CAST: variants seen among roughly 807,000 people sequenced by gnomAD.
CAST encodes the protein MIR583 host.
A neutral mutation model predicts 119.6 loss-of-function variants in CAST; 76 were observed. The observed-to-expected ratio is 0.64, with a 90% CI of 0.53 to 0.77. The LOEUF is 0.77. Ranked by LOEUF, CAST falls within the 30% of genes least tolerant of loss-of-function variation. The probability of loss-of-function intolerance (pLI) is 0.00; values close to 1 mark genes in which losing one functional copy is unlikely to be tolerated. For synonymous variants in CAST, 319 were observed against 331.6 expected, an observed-to-expected ratio of 0.96 and a Z score of 0.41; for missense variants, 953 against 946.5, an observed-to-expected ratio of 1.01 and a Z score of -0.09.
At chr5:96,303,159 G>A in the CAST span, among the ~76,000 whole-genome samples, 18 of 152,182 alleles carry the variant, frequency 1.2e-4, no homozygotes, top group Non-Finnish European at 2.5e-4. Flanking sequence ...GGCTGGAGCA[G>A]GAGGAAGAGA....
chr5:96,561,807 T>TTTTTTTTTTG, intron 1 of CAST, among the ~76,000 whole-genome samples: 1 of 121,436 alleles, frequency 8.2e-6, no homozygotes, highest in African/African-American at 3.1e-5. Context: ...TTTTTTTTTT[T>TTTTTTTTTTG]TTTGAGACGG....
At chr5:96,219,875 C>T in the CAST span, among the ~76,000 whole-genome samples, 6 of 152,140 alleles carry the variant, frequency 3.9e-5, no homozygotes, top group East Asian at 3.9e-4. Flanking sequence ...AATTCCTTCT[C>T]ATTGTCTCCA....
At chr5:96,225,376 G>A in the CAST span, among the ~76,000 whole-genome samples, 1 of 151,960 alleles carries the variant, frequency 6.6e-6, no homozygotes, top group Non-Finnish European at 1.5e-5. Context: ...TTGTGTTCAA[G>A]ACGGTGTGTA....
At chr5:96,490,124 T>C in the CAST span, among the ~76,000 whole-genome samples, 1 of 152,200 alleles carries the variant, frequency 6.6e-6, no homozygotes, top group Non-Finnish European at 1.5e-5. Context: ...TCAACAATTG[T>C]CAACACTCCC....
At chr5:95,981,882 G>GA in the CAST span, among the ~76,000 whole-genome samples, 17 of 150,866 alleles carry the variant, frequency 1.1e-4, no homozygotes, top group African/African-American at 3.9e-4. Context: ...TGAAAGAAAA[G>GA]AAAAAAAAGC....
At chr5:96,670,894 TG>T (rs1477209276) in intron 1 of CAST, among the ~76,000 whole-genome samples, 2 of 152,240 alleles carry the variant, frequency 1.3e-5, no homozygotes, top group African/African-American at 4.8e-5. Flanking sequence ...TGCCCAAATG[TG>T]GCAGAGTTGA....
chr5:96,116,658 G>A, the CAST span, among the ~76,000 whole-genome samples: 1 of 152,138 alleles, frequency 6.6e-6, no homozygotes, highest in East Asian at 1.9e-4. Context: ...ACATTTTCTT[G>A]ATGAGTAATG....
the CAST span, among the ~76,000 whole-genome samples, chr5:96,453,319 G>A: frequency 2.0e-5 from 3 of 152,204 alleles, no homozygotes; most frequent in African/African-American, 7.2e-5. Flanking sequence ...TTTAAGGAAA[G>A]TGTATAAGCA....
the CAST span, among the ~76,000 whole-genome samples, chr5:96,246,406 C>T: frequency 6.6e-6 from 1 of 151,972 alleles, no homozygotes; most frequent in East Asian, 1.9e-4. Flanking sequence ...AGGATGGTCT[C>T]GATTTCCTGA....
the CAST span, among the ~76,000 whole-genome samples, chr5:96,001,635 A>G: frequency 6.6e-6 from 1 of 152,232 alleles, no homozygotes; most frequent in Non-Finnish European, 1.5e-5. Flanking sequence ...AATCATAATG[A>G]GTATTTCTCA....
At chr5:96,241,783 G>A in the CAST span, among the ~76,000 whole-genome samples, 6 of 151,246 alleles carry the variant, frequency 4.0e-5, no homozygotes, top group East Asian at 1.9e-4. Context: ...GTATGTCATT[G>A]TGGTTTTGAT....
Position 96,740,848 on chromosome 5 carries a change from G to A in CAST, c.918+65G>A, listed in dbSNP as rs192292417. The stretch of plus-strand genomic sequence containing the variant: ...TTTATATTTTTGGCTGGGGGAACAG[G>A]GCTATCAATTCTATATTTGAGGATT... On this transcript the variant is annotated intron_variant, in intron 13 of 31. Coordinates refer to ENST00000675179, the MANE Select transcript of CAST (RefSeq NM_001750.7). 44 of 997,232 alleles carry A rather than the reference G, an allele frequency of 4.4e-5. No individual in the cohort carries two copies. The Middle Eastern group carries it at 6.3e-4, about 14-fold the overall frequency. 61.8% of individuals were successfully genotyped at this position (997,232 alleles called of 1,614,324 possible).
the CAST span, among the ~76,000 whole-genome samples, chr5:96,460,215 A>G: frequency 1.3e-5 from 2 of 152,152 alleles, no homozygotes; most frequent in African/African-American, 4.8e-5. Flanking sequence ...TTCATGACAT[A>G]ACCCAGAAAA....
the CAST span, among the ~76,000 whole-genome samples, chr5:96,181,601 C>A: frequency 6.6e-6 from 1 of 152,200 alleles, no homozygotes; most frequent in Non-Finnish European, 1.5e-5. Flanking sequence ...AATGGAGCAT[C>A]ACAGTAACTC....
At chr5:96,582,879 A>G (rs934313057) in intron 1 of CAST, among the ~76,000 whole-genome samples, 5 of 152,210 alleles carry the variant, frequency 3.3e-5, no homozygotes, top group Admixed American at 6.5e-5. Context: ...AAGAATGTGA[A>G]TGTCAATGCA....
chr5:96,498,651 T>A, the CAST span, among the ~76,000 whole-genome samples: 1 of 152,230 alleles, frequency 6.6e-6, no homozygotes, highest in African/African-American at 2.4e-5. Flanking sequence ...ATAATACAAT[T>A]GTACCATTTT....
At chr5:96,565,193 C>T (rs1429021164) in intron 1 of CAST, among the ~76,000 whole-genome samples, 1 of 151,208 alleles carries the variant, frequency 6.6e-6, no homozygotes, top group Non-Finnish European at 1.5e-5. Context: ...AAAAAATAGC[C>T]TCTCCTTAAC....
the CAST span, among the ~76,000 whole-genome samples, chr5:96,221,809 G>A: frequency 4.0e-5 from 6 of 151,438 alleles, no homozygotes; most frequent in Admixed American, 2.6e-4. Context: ...AAGGAATCTT[G>A]AGCAAAAAGA....
intron 1 of CAST, among the ~76,000 whole-genome samples, chr5:96,547,338 G>T (rs1205357393): frequency 6.6e-6 from 1 of 152,156 alleles, no homozygotes; most frequent in East Asian, 1.9e-4. Flanking sequence ...CCAGTTCCAG[G>T]CTGAAGGCAT....
Sources: allele counts gnomAD v4.1 joint callset (sites outside exome capture counted in the v4.1 genomes callset), GRCh38; gene constraint gnomAD v4.1.1; transcripts MANE v1.5; gene names NCBI Gene and HGNC (gene_info 2026-07-23, HGNC 2026-07-21).